Variants in CFAP54 observed in about 807,000 individuals in gnomAD.
The protein encoded by CFAP54 is cilia and flagella associated protein 54, also known as cilia- and flagella-associated protein 54.
In CFAP54, 290 loss-of-function variants were observed where a neutral mutation model predicts 370.4. The ratio of observed to expected loss-of-function variants is 0.78; its 90% CI spans 0.71 to 0.86. The LOEUF is 0.86. Ranked by LOEUF, CFAP54 falls within the 40% of genes least tolerant of loss-of-function variation. The probability of loss-of-function intolerance (pLI) is 0.00; values close to 1 mark genes in which losing one functional copy is unlikely to be tolerated. For synonymous variants in CFAP54, 1,206 were observed against 1,236.5 expected (o/e 0.98, Z 0.52); for missense variants, 3,399 against 3,528.7 (o/e 0.96, Z 0.93).
At chr12:96,748,953 C>G (rs547251714) in intron 55 of CFAP54, among the ~76,000 whole-genome samples, 210 of 152,274 alleles carry the variant, frequency 1.4e-3, no homozygotes, top group African/African-American at 4.9e-3. Context: ...CTTTCTTCTT[C>G]TTCAGTTACT....
intron 64 of CFAP54, among the ~76,000 whole-genome samples, chr12:96,816,735 G>A (rs551363704): frequency 6.6e-6 from 1 of 152,296 alleles, no homozygotes; most frequent in Admixed American, 6.5e-5. Flanking sequence ...ACACATGTAT[G>A]CACATGTGTG....
chr12:96,752,805 C>G (rs1316061219), intron 55 of CFAP54, among the ~76,000 whole-genome samples: 1 of 152,192 alleles, frequency 6.6e-6, no homozygotes. Context: ...TGACCTCCCT[C>G]TTAAGAGATA....
chr12:96,874,273 A>T (rs944136184), intron 67 of CFAP54, among the ~76,000 whole-genome samples: 16 of 152,184 alleles, frequency 1.1e-4, no homozygotes, highest in Non-Finnish European at 1.9e-4. Flanking sequence ...ATGGTATTTC[A>T]ATGTTTTTTA....
At chr12:96,632,304 A>G (rs544348303) in intron 32 of CFAP54, among the ~76,000 whole-genome samples, 13 of 152,130 alleles carry the variant, frequency 8.5e-5, no homozygotes, top group South Asian at 2.1e-4. Flanking sequence ...AATGGAGTCA[A>G]ATATATCAAT....
At chr12:96,635,470 A>C (rs896797571) in intron 32 of CFAP54, among the ~76,000 whole-genome samples, 12 of 152,224 alleles carry the variant, frequency 7.9e-5, no homozygotes, top group Non-Finnish European at 1.3e-4. Flanking sequence ...TCCAGCACCA[A>C]CCAATTCTCC....
At chr12:96,627,012 A>C in intron 30 of CFAP54, 73 bp downstream of exon 30, 2 of 1,120,064 alleles carry the variant, frequency 1.8e-6, no homozygotes, top group Non-Finnish European at 2.3e-6. Flanking sequence ...TTTAAGAAAT[A>C]TAAGGTAGAC....
rs754751520 is a variant in CFAP54 at position 96,638,239 on chromosome 12, GTGTATA to G, written c.4317-5937_4317-5932del. Among the ~76,000 whole-genome samples, 273 of 84,552 alleles carry G rather than the reference GTGTATA, an allele frequency of 3.2e-3. 1 individual carries two copies. Among genetic ancestry groups the G allele is most frequent in the African/African-American group, 7.3e-3 (179 of 24,442 alleles). 55.5% of individuals were successfully genotyped at this position (84,552 alleles called of 152,430 possible). On this transcript the variant is annotated intron_variant, in intron 32 of 67. Coordinates refer to ENST00000524981, the MANE Select transcript of CFAP54 (RefSeq NM_001306084.2). ...TGTGTGTGTGTGTGTGTGTGTGTGT[GTGTATA>G]TATATATATATTTATTTTTTTTTGG...
intron 38 of CFAP54, among the ~76,000 whole-genome samples, chr12:96,663,266 G>T (rs542071774): frequency 2.0e-5 from 3 of 152,334 alleles, no homozygotes; most frequent in South Asian, 4.1e-4. Context: ...TATTTTGAGT[G>T]ATAGGTTAGT....
chr12:96,799,966 G>A (rs1229057435), intron 63 of CFAP54, among the ~76,000 whole-genome samples: 1 of 152,048 alleles, frequency 6.6e-6, no homozygotes, highest in Non-Finnish European at 1.5e-5. Context: ...TTCAGCATAC[G>A]TCAAATTTTA....
intron 9 of CFAP54, among the ~76,000 whole-genome samples, chr12:96,532,555 G>T (rs1437773928): frequency 2.0e-5 from 3 of 152,096 alleles, no homozygotes; most frequent in Non-Finnish European, 4.4e-5. Context: ...TTAAATGGAG[G>T]AGAGGGGATG....
rs771506426 is a variant in CFAP54, at chr12:96,630,602, G to T, written c.4267G>T (p.Asp1423Tyr). The change falls in exon 32 of 68, where the codon GAT becomes TAT. Residue 1423 changes from aspartate (D) to tyrosine (Y), a missense_variant. Physicochemically the swap from Asp to Tyr is radical, Grantham distance 160 (BLOSUM62 -3). Coordinates refer to ENST00000524981, the MANE Select transcript of CFAP54 (RefSeq NM_001306084.2). ...IRSKKKETLRDFIFKNPAISE... is the reference protein window; with the variant it reads ...IRSKKKETLRYFIFKNPAISE... The stretch of plus-strand genomic sequence containing the variant: ...AAGTAAAAAAAAGGAAACTCTAAGA[G>T]ATTTCATTTTTAAAAATCCGGCTAT... 3 of 1,508,376 alleles carry T rather than the reference G, an allele frequency of 2.0e-6. No individual in the cohort carries two copies. The highest frequency in any genetic ancestry group is 2.1e-5 in the Admixed American group (1 of 46,630). 93.4% of individuals were successfully genotyped at this position (1,508,376 alleles called of 1,614,324 possible).
intron 46 of CFAP54, among the ~76,000 whole-genome samples, chr12:96,701,164 A>G (rs575494853): frequency 6.6e-6 from 1 of 152,214 alleles, no homozygotes; most frequent in African/African-American, 2.4e-5. Flanking sequence ...ACATCCATAT[A>G]TATGCATATA....
rs112011099 is a variant in CFAP54, at chr12:96,555,930, T to C, written c.2410+1128T>C. Among the ~76,000 whole-genome samples, 672 of 151,962 alleles carry C rather than the reference T, an allele frequency of 4.4e-3. 8 individuals carry two copies. The highest frequency in any genetic ancestry group is 0.015 in the African/African-American group (627 of 41,506). Reference sequence around the variant, plus strand: ...ACAAAATGTAGGTAGAAGACATAAATAGCTAAGACATTCCTGAAGGAAAAA... The same window carrying C: ...ACAAAATGTAGGTAGAAGACATAAACAGCTAAGACATTCCTGAAGGAAAAA... On this transcript the variant is annotated intron_variant, in intron 17 of 67. Transcript: ENST00000524981.
intron 20 of CFAP54, 116 bp downstream of exon 20, chr12:96,576,877 G>A (rs980224278): frequency 8.6e-6 from 7 of 814,766 alleles, no homozygotes; most frequent in Non-Finnish European, 1.1e-5. Flanking sequence ...CATAAGCACT[G>A]AACACTGGAT....
At chr12:96,829,156 T>C in intron 66 of CFAP54, 68 bp downstream of exon 66, 3 of 877,144 alleles carry the variant, frequency 3.4e-6, no homozygotes, top group East Asian at 2.7e-5. Context: ...AATGGAAATA[T>C]AGAAAACATC....
intron 3 of CFAP54, 117 bp from the exon 4 acceptor site, chr12:96,506,811 T>G (rs780523595): frequency 1.1e-4 from 84 of 798,112 alleles, no homozygotes; most frequent in Non-Finnish European, 1.5e-4. Flanking sequence ...GGTCTCAAAC[T>G]CCTGACCTCA....
At chr12:96,691,343 A>G (rs945118414) in intron 44 of CFAP54, 33 bp downstream of exon 44, 2 of 1,484,678 alleles carry the variant, frequency 1.3e-6, no homozygotes, top group East Asian at 2.3e-5. Flanking sequence ...ATTATATATC[A>G]CTGGGATATT....
At chr12:96,491,168 G>A (rs901792267) in intron 1 of CFAP54, among the ~76,000 whole-genome samples, 4 of 152,068 alleles carry the variant, frequency 2.6e-5, no homozygotes, top group African/African-American at 9.7e-5. Context: ...GTGGTGAGAA[G>A]CCTGGTTAGG....
intron 51 of CFAP54, among the ~76,000 whole-genome samples, chr12:96,740,912 A>G (rs138386414): frequency 5.3e-5 from 8 of 152,152 alleles, no homozygotes; most frequent in Admixed American, 1.3e-4. Flanking sequence ...ACTTCCTTTA[A>G]TCTACAGGAC....
Sources: allele counts gnomAD v4.1 joint callset (sites outside exome capture counted in the v4.1 genomes callset), GRCh38; gene constraint gnomAD v4.1.1; transcripts MANE v1.5; gene names NCBI Gene and HGNC (gene_info 2026-07-23, HGNC 2026-07-21).